PRDM5: variants seen among roughly 807,000 people sequenced by gnomAD.
PRDM5 encodes the protein PR/SET domain 5, also known as PR domain zinc finger protein 5.
Under a neutral mutation model 81.2 loss-of-function variants are expected in PRDM5, and 56 were observed. The ratio of observed to expected loss-of-function variants is 0.69; its 90% CI spans 0.56 to 0.86. The LOEUF is 0.86. Among genes scored for constraint, PRDM5 ranks in the 40% least tolerant of loss-of-function variants. PRDM5 has a pLI of 0.00. For missense variants in PRDM5, 697 were observed against 770.1 expected, an observed-to-expected ratio of 0.91 and a Z score of 1.12; for synonymous variants, 267 against 256.4, an observed-to-expected ratio of 1.04 and a Z score of -0.39.
intron 1 of PRDM5, among the ~76,000 whole-genome samples, chr4:120,912,610 A>G (rs2148698706): frequency 6.6e-6 from 1 of 152,322 alleles, no homozygotes. Context: ...TTTTTAGGCA[A>G]TTGGAGTAAT....
chr4:120,778,896 A>G (rs1194599033), intron 12 of PRDM5, among the ~76,000 whole-genome samples: 1 of 152,162 alleles, frequency 6.6e-6, no homozygotes, highest in Non-Finnish European at 1.5e-5. Flanking sequence ...TTAACTTATA[A>G]CAGACCTCTC....
At chr4:120,725,761 G>A (rs1739304461) in intron 14 of PRDM5, among the ~76,000 whole-genome samples, 1 of 152,088 alleles carries the variant, frequency 6.6e-6, no homozygotes, top group Non-Finnish European at 1.5e-5. Context: ...AGGAATCACA[G>A]CTCATTGTAA....
intron 13 of PRDM5, among the ~76,000 whole-genome samples, chr4:120,776,476 CAT>C (rs146711645): frequency 0.013 from 2,047 of 152,260 alleles, 44 homozygotes; most frequent in African/African-American, 0.046. Flanking sequence ...AATCCAGTCA[CAT>C]AGTTATCCAT....
chr4:120,879,002 C>A (rs1335158130), intron 2 of PRDM5, among the ~76,000 whole-genome samples: 1 of 152,270 alleles, frequency 6.6e-6, no homozygotes, highest in Middle Eastern at 3.4e-3. Flanking sequence ...ACTAAACATA[C>A]TCTTACCATG....
intron 2 of PRDM5, among the ~76,000 whole-genome samples, chr4:120,897,296 T>C (rs1453286832): frequency 3.3e-5 from 5 of 152,168 alleles, no homozygotes; most frequent in Non-Finnish European, 7.3e-5. Context: ...CTTAAAAATA[T>C]TATTCAGTTG....
intron 1 of PRDM5, among the ~76,000 whole-genome samples, chr4:120,912,344 T>A (rs1766617520): frequency 1.3e-5 from 2 of 152,122 alleles, no homozygotes; most frequent in African/African-American, 4.8e-5. Context: ...TAATGTATTT[T>A]TGCCAGAAAT....
At chr4:120,758,859 C>T (rs1201096793) in intron 13 of PRDM5, among the ~76,000 whole-genome samples, 1 of 151,898 alleles carries the variant, frequency 6.6e-6, no homozygotes, top group Admixed American at 6.6e-5. Context: ...GGGTTCACAC[C>T]ATTCTCCTAC....
At chr4:120,837,511 T>C (rs1757494391) in intron 3 of PRDM5, 1 of 152,202 alleles carries the variant, frequency 6.6e-6, no homozygotes, top group Admixed American at 6.5e-5. Flanking sequence ...CACTTTTACA[T>C]ACAACATAAC....
At chr4:120,710,839 C>A (rs1034095929) in intron 14 of PRDM5, among the ~76,000 whole-genome samples, 1 of 152,174 alleles carries the variant, frequency 6.6e-6, no homozygotes, top group Non-Finnish European at 1.5e-5. Context: ...GTCAATTAAA[C>A]CTCTTTCCTG....
intron 2 of PRDM5, among the ~76,000 whole-genome samples, chr4:120,893,264 T>A (rs1477258883): frequency 2.0e-5 from 3 of 152,112 alleles, no homozygotes; most frequent in African/African-American, 7.2e-5. Flanking sequence ...GTCCGAGAGG[T>A]TCTCCTGCAC....
chr4:120,762,748 A>G (rs1745813455), intron 13 of PRDM5: 1 of 152,146 alleles, frequency 6.6e-6, no homozygotes, highest in African/African-American at 2.4e-5. Context: ...CGCAGCAAAA[A>G]GAGCCATGAA....
At chr4:120,819,174 T>G (rs746320574) in intron 4 of PRDM5, among the ~76,000 whole-genome samples, 2 of 152,266 alleles carry the variant, frequency 1.3e-5, no homozygotes, top group African/African-American at 4.8e-5. Context: ...CAAGCCTGAC[T>G]TGCCTTTAGT....
At chr4:120,855,871 C>G (rs1055232030) in intron 2 of PRDM5, among the ~76,000 whole-genome samples, 1 of 152,188 alleles carries the variant, frequency 6.6e-6, no homozygotes, top group Non-Finnish European at 1.5e-5. Flanking sequence ...TTTGAGAGGA[C>G]AGCACTACTT....
intron 12 of PRDM5, among the ~76,000 whole-genome samples, chr4:120,778,656 C>A (rs1748542842): frequency 6.6e-6 from 1 of 151,904 alleles, no homozygotes; most frequent in Admixed American, 6.6e-5. Flanking sequence ...TTCCTTGAAA[C>A]AATTTATATT....
rs1752015009 is a variant in PRDM5, at chr4:120,800,731, G to A, written c.946-986C>T. Reference sequence around the variant, plus strand: ...GCTCTTGCCACAGGAGGAAAAATGGGTAACTATGTGAGATAATGGATGCAT... The same window carrying A: ...GCTCTTGCCACAGGAGGAAAAATGGATAACTATGTGAGATAATGGATGCAT... On this transcript the variant is annotated intron_variant, in intron 8 of 15. Transcript: ENST00000264808. Among the ~76,000 whole-genome samples the A allele has an allele frequency of 1.3e-5, 2 of 152,064 alleles. 1 individual carries two copies. Among genetic ancestry groups the A allele is most frequent in the Admixed American group, 1.3e-4 (2 of 15,268 alleles).
At chr4:120,890,084 T>C (rs1162703991) in intron 2 of PRDM5, among the ~76,000 whole-genome samples, 1 of 152,206 alleles carries the variant, frequency 6.6e-6, no homozygotes, top group African/African-American at 2.4e-5. Flanking sequence ...CAGAAATATC[T>C]GAGCCTGGGT....
intron 2 of PRDM5, among the ~76,000 whole-genome samples, chr4:120,878,058 G>A (rs1762492766): frequency 6.6e-6 from 1 of 152,060 alleles, no homozygotes; most frequent in Admixed American, 6.6e-5. Context: ...ACGTCCATAT[G>A]GTAACTAAAC....
chr4:120,777,973 C>T (rs1168129271), intron 12 of PRDM5, among the ~76,000 whole-genome samples: 2 of 152,054 alleles, frequency 1.3e-5, no homozygotes, highest in Non-Finnish European at 2.9e-5. Flanking sequence ...GGAGACAGAG[C>T]ATTTTAAACT....
At chr4:120,802,215 T>C (rs1411786396) in intron 8 of PRDM5, among the ~76,000 whole-genome samples, 6 of 152,186 alleles carry the variant, frequency 3.9e-5, no homozygotes, top group African/African-American at 7.2e-5. Context: ...TCATTTATAG[T>C]GAAAAATTCA....
Sources: gnomAD v4.1 joint callset for allele counts (sites outside exome capture counted in the v4.1 genomes callset) on GRCh38, gnomAD v4.1.1 for gene constraint, MANE v1.5 for transcripts, NCBI Gene and HGNC (gene_info 2026-07-23, HGNC 2026-07-21) for gene names.